DGKB: variants seen among roughly 807,000 people sequenced by gnomAD.
DGKB encodes diacylglycerol kinase beta.
In DGKB, 67 loss-of-function variants were observed where a neutral mutation model predicts 114.3. The ratio of observed to expected loss-of-function variants is 0.59; its 90% confidence interval spans 0.48 to 0.72. DGKB has a LOEUF of 0.72. Among genes scored for constraint, DGKB ranks in the 30% least tolerant of loss-of-function variants. The pLI is 0.00. For missense variants in DGKB, 907 were observed against 975.2 expected, an observed-to-expected ratio of 0.93 and a Z score of 0.93; for synonymous variants, 398 against 323.1, an observed-to-expected ratio of 1.23 and a Z score of -2.49.
intron 23 of DGKB, among the ~76,000 whole-genome samples, chr7:14,267,479 C>T (rs55957612): frequency 0.39 from 56,610 of 143,508 alleles, 11,287 homozygotes; most frequent in African/African-American, 0.53. Flanking sequence ...TTTTTTTTTT[C>T]TTTTTTTTTT....
chr7:14,269,716 T>C (rs1040972462), intron 23 of DGKB, among the ~76,000 whole-genome samples: 2 of 152,170 alleles, frequency 1.3e-5, no homozygotes, highest in African/African-American at 4.8e-5. Flanking sequence ...AGTTCATGGA[T>C]TTAGAAACTT....
intron 23 of DGKB, among the ~76,000 whole-genome samples, chr7:14,271,648 T>G (rs2128433924): frequency 6.6e-6 from 1 of 152,232 alleles, no homozygotes; most frequent in African/African-American, 2.4e-5. Context: ...CATTCTAAAA[T>G]AATGGCAAAG....
chr7:14,645,093 C>T (rs1277099478), intron 13 of DGKB, among the ~76,000 whole-genome samples: 5 of 152,104 alleles, frequency 3.3e-5, no homozygotes, highest in Non-Finnish European at 7.3e-5. Context: ...TTTAACTAAT[C>T]AAATGATATT....
chr7:14,622,754 C>T (rs1563707958), intron 14 of DGKB, among the ~76,000 whole-genome samples: 1 of 151,876 alleles, frequency 6.6e-6, no homozygotes, highest in African/African-American at 2.4e-5. Context: ...AAACTCATCC[C>T]TTTTTTTTAC....
intron 1 of DGKB, among the ~76,000 whole-genome samples, chr7:14,909,980 G>T (rs537135436): frequency 6.6e-6 from 1 of 152,024 alleles, no homozygotes; most frequent in Admixed American, 6.6e-5. Context: ...GCCGAGGTGG[G>T]TGGATCACTT....
chr7:14,314,071 C>A (rs2128513222), intron 23 of DGKB, among the ~76,000 whole-genome samples: 1 of 152,240 alleles, frequency 6.6e-6, no homozygotes, highest in East Asian at 1.9e-4. Flanking sequence ...AGCTGAGGGT[C>A]CTGTCTGTTA....
chr7:14,820,239 A>G (rs982993255), intron 2 of DGKB, among the ~76,000 whole-genome samples: 1 of 152,142 alleles, frequency 6.6e-6, no homozygotes, highest in Non-Finnish European at 1.5e-5. Flanking sequence ...CCAAATTTAA[A>G]TTCATGTTTT....
intron 13 of DGKB, 58 bp downstream of exon 13, chr7:14,672,871 C>T (rs375148683): frequency 3.5e-5 from 36 of 1,019,616 alleles, no homozygotes; most frequent in Middle Eastern, 4.2e-4. Context: ...TAATGGTATA[C>T]GATACTGATA....
intron 21 of DGKB, among the ~76,000 whole-genome samples, chr7:14,376,676 T>C (rs1818525663): frequency 6.6e-6 from 1 of 152,176 alleles, no homozygotes; most frequent in African/African-American, 2.4e-5. Context: ...TATAAAACCA[T>C]GACTCCCCCC....
chr7:14,609,390 C>T (rs1240908293), intron 16 of DGKB, among the ~76,000 whole-genome samples: 1 of 152,002 alleles, frequency 6.6e-6, no homozygotes, highest in Non-Finnish European at 1.5e-5. Flanking sequence ...CAAAAATTAA[C>T]TCAACATGGA....
At chr7:14,659,847 C>T (rs1483878458) in intron 13 of DGKB, among the ~76,000 whole-genome samples, 2 of 151,790 alleles carry the variant, frequency 1.3e-5, no homozygotes, top group Non-Finnish European at 2.9e-5. Flanking sequence ...TTTGCCCATT[C>T]AGTATGATAT....
intron 25 of DGKB, among the ~76,000 whole-genome samples, chr7:14,174,678 G>A (rs145215448): frequency 2.0e-4 from 31 of 151,932 alleles, no homozygotes; most frequent in Non-Finnish European, 4.1e-4. Context: ...CCATTACCAC[G>A]AGTTTTACCA....
intron 13 of DGKB, among the ~76,000 whole-genome samples, chr7:14,639,952 A>G (rs1811433733): frequency 1.3e-5 from 2 of 152,090 alleles, no homozygotes; most frequent in Admixed American, 1.3e-4. Context: ...GAAGAGAGGA[A>G]TGTGACACAG....
At chr7:14,506,955 C>A (rs566016369) in intron 20 of DGKB, among the ~76,000 whole-genome samples, 1 of 152,260 alleles carries the variant, frequency 6.6e-6, no homozygotes, top group South Asian at 2.1e-4. Flanking sequence ...CTTTTCTATT[C>A]CATGTGCAGG....
chr7:14,596,292 C>T (rs1802568257), intron 17 of DGKB, among the ~76,000 whole-genome samples: 2 of 152,238 alleles, frequency 1.3e-5, no homozygotes, highest in East Asian at 1.9e-4. Flanking sequence ...TTTGATGACA[C>T]ATTAAAGAGA....
chr7:14,273,351 A>G (rs1798536289), intron 23 of DGKB, among the ~76,000 whole-genome samples: 1 of 152,186 alleles, frequency 6.6e-6, no homozygotes, highest in Admixed American at 6.5e-5. Flanking sequence ...ATCTTATAAA[A>G]AATAAAAAAT....
At chr7:14,212,933 CT>C (rs373866358) in intron 23 of DGKB, among the ~76,000 whole-genome samples, 91 of 152,078 alleles carry the variant, frequency 6.0e-4, no homozygotes, top group African/African-American at 2.0e-3. Flanking sequence ...TGACTATGTA[CT>C]TTATAAAAAA....
intron 1 of DGKB, among the ~76,000 whole-genome samples, chr7:14,845,834 A>G (rs1848555158): frequency 6.6e-6 from 1 of 152,094 alleles, no homozygotes; most frequent in Non-Finnish European, 1.5e-5. Flanking sequence ...GCATTAAAAA[A>G]AAAAAAAGAA....
intron 1 of DGKB, among the ~76,000 whole-genome samples, chr7:14,864,794 CAA>C (rs34188189): frequency 2.6e-4 from 37 of 141,604 alleles, no homozygotes; most frequent in African/African-American, 8.7e-4. Context: ...GAGATGATGA[CAA>C]AAAAAAAAAA....
Sources: gnomAD v4.1 joint callset for allele counts (sites outside exome capture counted in the v4.1 genomes callset) on GRCh38, gnomAD v4.1.1 for gene constraint, MANE v1.5 for transcripts, NCBI Gene and HGNC (gene_info 2026-07-23, HGNC 2026-07-21) for gene names.